The following GTF2E1 variants were observed in gnomAD, a reference collection of about 807,000 sequenced individuals.
The protein encoded by GTF2E1 is TFIIE alpha subunit.
In GTF2E1, 14 loss-of-function variants were observed where a neutral mutation model predicts 34.9. The observed-to-expected ratio is 0.40, with a 90% CI of 0.27 to 0.63. The LOEUF is 0.63. GTF2E1 is among the 20% of genes least tolerant of loss of function. GTF2E1 has a pLI of 0.39. For synonymous variants in GTF2E1, 188 were observed against 192.9 expected (o/e 0.97, Z 0.21); for missense variants, 469 against 557.7 (o/e 0.84, Z 1.60).
chr3:120,770,354 C>A (rs146086180), intron 2 of GTF2E1, among the ~76,000 whole-genome samples: 7 of 152,110 alleles, frequency 4.6e-5, no homozygotes, highest in African/African-American at 1.4e-4. Flanking sequence ...ATAACGTAGG[C>A]CCAAATGTGT....
intron 3 of GTF2E1, among the ~76,000 whole-genome samples, 187 bp from the exon 4 acceptor site, chr3:120,776,236 C>CAGAA (rs1709397926): frequency 6.6e-6 from 1 of 152,122 alleles, no homozygotes; most frequent in Non-Finnish European, 1.5e-5. Context: ...ATGTGTTTTT[C>CAGAA]TAACGCATAC....
At chr3:120,749,432 A>G (rs886207081) in intron 1 of GTF2E1, among the ~76,000 whole-genome samples, 2 of 152,204 alleles carry the variant, frequency 1.3e-5, no homozygotes, top group African/African-American at 2.4e-5. Flanking sequence ...CGTCCCATCA[A>G]TACCTAACTT....
intron 2 of GTF2E1, among the ~76,000 whole-genome samples, chr3:120,761,574 C>T (rs1254510861): frequency 2.0e-5 from 3 of 152,138 alleles, no homozygotes; most frequent in Non-Finnish European, 4.4e-5. Flanking sequence ...ATAAATTTCC[C>T]TCTACACATT....
chr3:120,743,607 C>G (rs575345421), intron 1 of GTF2E1, among the ~76,000 whole-genome samples: 2 of 151,974 alleles, frequency 1.3e-5, no homozygotes, highest in African/African-American at 4.8e-5. Flanking sequence ...CCATGGAACA[C>G]GTGAAAGGGG....
At chr3:120,755,131 C>G (rs904362798) in intron 2 of GTF2E1, among the ~76,000 whole-genome samples, 1 of 152,024 alleles carries the variant, frequency 6.6e-6, no homozygotes, top group Non-Finnish European at 1.5e-5. Flanking sequence ...ATAAATAACT[C>G]GTAAAAATAG....
At chr3:120,745,929 T>G (rs1709101173) in intron 1 of GTF2E1, among the ~76,000 whole-genome samples, 1 of 152,182 alleles carries the variant, frequency 6.6e-6, no homozygotes, top group Admixed American at 6.5e-5. Context: ...GGCTCTAAGT[T>G]CACAGATTTG....
chr3:120,753,488 T>C (rs1709183112), intron 2 of GTF2E1, among the ~76,000 whole-genome samples: 1 of 152,200 alleles, frequency 6.6e-6, no homozygotes, highest in South Asian at 2.1e-4. Context: ...TTTTCAATAG[T>C]TCTTAGATTG....
chr3:120,745,429 A>G (rs1006398879), intron 1 of GTF2E1, among the ~76,000 whole-genome samples: 2 of 152,164 alleles, frequency 1.3e-5, no homozygotes, highest in African/African-American at 2.4e-5. Context: ...CAGGATGAGC[A>G]TTGGCAGGAT....
chr3:120,767,258 A>AT (rs1294131646), intron 2 of GTF2E1, among the ~76,000 whole-genome samples: 1 of 152,054 alleles, frequency 6.6e-6, no homozygotes, highest in Non-Finnish European at 1.5e-5. Context: ...CTGGACTATC[A>AT]TTTTCAAGGA....
Position 120,781,321 on chromosome 3 carries a change from G to A in GTF2E1, c.1171G>A (p.Ala391Thr), listed in dbSNP as rs753612539. Residue 391 changes from alanine (A) to threonine (T), a missense_variant, in exon 5 of 5, where the codon GCA becomes ACA. Ala to Thr is a moderately conservative substitution (Grantham distance 58). Transcript: ENST00000283875. ...GGAAGATGACGAGTTTGAAGAAGTA[G>A]CAGATGACCCCATTGTCATGGTGGC... ...EEEDDEFEEV[A>T]DDPIVMVAGR... 1.4e-5 allele frequency: 22 copies of A among 1,614,054 alleles called. No homozygotes were observed. In the Admixed American group the frequency reaches 3.0e-4, roughly 22 times the overall value.
At chr3:120,777,963 A>G (rs1407002122) in intron 4 of GTF2E1, among the ~76,000 whole-genome samples, 1 of 152,206 alleles carries the variant, frequency 6.6e-6, no homozygotes, top group Non-Finnish European at 1.5e-5. Flanking sequence ...ACCTCAAGTG[A>G]TCTGCCTGCC....
chr3:120,775,222 G>T (rs1229343012), intron 3 of GTF2E1, among the ~76,000 whole-genome samples: 1 of 152,138 alleles, frequency 6.6e-6, no homozygotes, highest in Admixed American at 6.5e-5. Flanking sequence ...TAGGAGGAAA[G>T]ACTAATGAAG....
At chr3:120,760,854 G>A (rs974908408) in intron 2 of GTF2E1, among the ~76,000 whole-genome samples, 7 of 152,086 alleles carry the variant, frequency 4.6e-5, no homozygotes, top group East Asian at 1.9e-4. Flanking sequence ...TTTTCACGTC[G>A]ATGTTCATCA....
Position 120,766,525 on chromosome 3 carries a change from T to C in GTF2E1, c.449-4203T>C, listed in dbSNP as rs569543813. ...AGACTGAAATTGCAGTCTAACATCATTTTTCAACCACCCTACTTCTCTTAT... is the reference window on the plus strand; with the variant it reads ...AGACTGAAATTGCAGTCTAACATCACTTTTCAACCACCCTACTTCTCTTAT... On this transcript the variant is annotated intron_variant, in intron 2 of 4. Transcript: ENST00000283875. Among the ~76,000 whole-genome samples, 7 of 152,160 alleles carry C rather than the reference T, an allele frequency of 4.6e-5. No individual in the cohort carries two copies. In the East Asian group the frequency reaches 1.2e-3, roughly 25 times the overall value.
chr3:120,779,720 A>G (rs943029959), intron 4 of GTF2E1, among the ~76,000 whole-genome samples: 2 of 152,194 alleles, frequency 1.3e-5, no homozygotes, highest in Non-Finnish European at 2.9e-5. Flanking sequence ...GGCCCATTCT[A>G]GACACTTCAC....
chr3:120,757,068 ATTCT>A (rs1709216014), intron 2 of GTF2E1, among the ~76,000 whole-genome samples: 1 of 152,186 alleles, frequency 6.6e-6, no homozygotes, highest in Non-Finnish European at 1.5e-5. Flanking sequence ...ACAATATTCT[ATTCT>A]TTATTGTCTT....
At chr3:120,777,636 C>T (rs898890360) in intron 4 of GTF2E1, among the ~76,000 whole-genome samples, 5 of 152,286 alleles carry the variant, frequency 3.3e-5, no homozygotes, top group Admixed American at 1.3e-4. Flanking sequence ...GCTAATACCT[C>T]TACTGTGATT....
intron 2 of GTF2E1, among the ~76,000 whole-genome samples, chr3:120,754,349 A>G (rs1412898206): frequency 6.6e-6 from 1 of 152,190 alleles, no homozygotes; most frequent in Non-Finnish European, 1.5e-5. Flanking sequence ...TTTACGTATT[A>G]CCTACAATTA....
At chr3:120,754,225 G>A (rs1370984279) in intron 2 of GTF2E1, among the ~76,000 whole-genome samples, 1 of 152,106 alleles carries the variant, frequency 6.6e-6, no homozygotes, top group African/African-American at 2.4e-5. Flanking sequence ...AGATGTTAAG[G>A]TTAGATGATT....
Sources: allele counts gnomAD v4.1 joint callset (sites outside exome capture counted in the v4.1 genomes callset), GRCh38; gene constraint gnomAD v4.1.1; transcripts MANE v1.5; gene names NCBI Gene and HGNC (gene_info 2026-07-23, HGNC 2026-07-21).